NOS1: variants seen among roughly 807,000 people sequenced by gnomAD.
The protein encoded by NOS1 is nitric oxide synthase 1.
In NOS1, 51 loss-of-function variants were observed where a neutral mutation model predicts 164.5. The observed-to-expected ratio is 0.31, with a 90% CI of 0.25 to 0.39. The LOEUF is 0.39. Among genes scored for constraint, NOS1 ranks in the 10% least tolerant of loss-of-function variants. NOS1 has a pLI of 1.00. For synonymous variants in NOS1, 719 were observed against 745.8 expected (o/e 0.96, Z 0.59); for missense variants, 1,362 against 1,885.6 (o/e 0.72, Z 5.14).
chr12:117,270,897 G>T (rs1277773876), intron 10 of NOS1, among the ~76,000 whole-genome samples: 2 of 152,032 alleles, frequency 1.3e-5, no homozygotes, highest in African/African-American at 4.8e-5. Flanking sequence ...AAAAAAATTA[G>T]CCAGGTGTGG....
intron 28 of NOS1, among the ~76,000 whole-genome samples, chr12:117,217,620 G>A (rs760844186): frequency 2.6e-5 from 4 of 151,978 alleles, no homozygotes; most frequent in Non-Finnish European, 5.9e-5. Context: ...CACGAGAATT[G>A]CTTGAGCCTA....
chr12:117,227,722 G>T, intron 22 of NOS1, 81 bp from the exon 23 acceptor site: 1 of 1,374,174 alleles, frequency 7.3e-7, no homozygotes, highest in Non-Finnish European at 1.0e-6. Flanking sequence ...GGTCCAGGAA[G>T]AAGGCAAAAT....
chr12:117,348,095 C>T (rs1008194535), intron 1 of NOS1: 3 of 150,334 alleles, frequency 2.0e-5, no homozygotes, highest in African/African-American at 7.4e-5. Flanking sequence ...TCGTGTTGCA[C>T]CAGCACACCT....
rs750798966 is a variant in NOS1, at chr12:117,243,258, T to C, written c.2962+39A>G. 1.5e-5 allele frequency: 24 copies of C among 1,609,648 alleles called. No individual in the cohort carries two copies. The Admixed American group carries it at 1.8e-4, about 12-fold the overall frequency. ...GGTGAGATCACCTGCCTTTCCCCCA[T>C]TGTCACGAATACCTCCCTGGAAGGG... On this transcript the variant is annotated intron_variant, in intron 19 of 28. Transcript: ENST00000317775. The surrounding 1 kb of genome is among the most constrained non-coding windows in gnomAD (Gnocchi z 4.3).
At position 117,214,861 on chromosome 12, in the gene NOS1, A is replaced by G. The variant is rs1956579420; in HGVS notation, c.*448T>C. 1 of 984,170 alleles carries G rather than the reference A, an allele frequency of 1.0e-6. No individual in the cohort carries two copies. The highest frequency in any genetic ancestry group is 4.7e-5 in the South Asian group (1 of 21,176). The allele number at this position is 984,170 out of a possible 1,614,324, so 61.0% of individuals were successfully genotyped here. A position where few individuals can be genotyped will look rare whatever the true frequency, so the allele number is the denominator to read the frequency against. On this transcript the variant is annotated 3_prime_UTR_variant, in exon 29 of 29. Transcript: ENST00000317775. The stretch of plus-strand genomic sequence containing the variant: ...CACACACACACACACACACACACAC[A>G]CACACAGGCACGCACAACCAAAATG...
At chr12:117,361,480 T>A (rs1340841392) in intron 1 of NOS1, 32 bp downstream of exon 1, 1 of 149,202 alleles carries the variant, frequency 6.7e-6, no homozygotes, top group Admixed American at 6.6e-5. Context: ...CCCGGCGCAG[T>A]GCTGGGCGCC....
intron 1 of NOS1, among the ~76,000 whole-genome samples, chr12:117,357,408 G>A (rs978249310): frequency 7.2e-5 from 11 of 152,246 alleles, no homozygotes; most frequent in African/African-American, 2.7e-4. Flanking sequence ...ATAACAACCA[G>A]AAAGATGAAA....
At chr12:117,222,570 C>T (rs772646845) in intron 26 of NOS1, 145 bp downstream of exon 26, 24 of 750,858 alleles carry the variant, frequency 3.2e-5, no homozygotes, top group East Asian at 1.5e-4. Flanking sequence ...GATATTTTCC[C>T]TACCCATGCT....
chr12:117,325,597 C>G (rs1875204797), intron 2 of NOS1, among the ~76,000 whole-genome samples: 1 of 152,170 alleles, frequency 6.6e-6, no homozygotes, highest in South Asian at 2.1e-4. Context: ...GGGCTGAGAT[C>G]CCAACTCTCT....
At chr12:117,312,094 T>C (rs896022294) in intron 2 of NOS1, among the ~76,000 whole-genome samples, 10 of 152,102 alleles carry the variant, frequency 6.6e-5, no homozygotes, top group Admixed American at 2.6e-4. Flanking sequence ...CTTTGAACAA[T>C]AGCAGCTCAG....
rs1956523977 is a variant in NOS1, at chr12:117,211,301, G to A, written c.*4008C>T. 1.0e-6 allele frequency: 1 copy of A among 985,140 alleles called. No individual in the cohort carries two copies. Among genetic ancestry groups the A allele is most frequent in the African/African-American group, 1.7e-5 (1 of 57,148 alleles). 61.0% of individuals were successfully genotyped at this position (985,140 alleles called of 1,614,324 possible). On this transcript the variant is annotated 3_prime_UTR_variant, in exon 29 of 29. Transcript: ENST00000317775. The stretch of plus-strand genomic sequence containing the variant: ...CTCCTTTATTCTCACCCTCTACAAT[G>A]GATGGGGTGCCAGGTACGCTGATTC...
chr12:117,299,813 G>A (rs74323505), intron 3 of NOS1, among the ~76,000 whole-genome samples: 1,866 of 151,984 alleles, frequency 0.012, 41 homozygotes, highest in African/African-American at 0.043. Context: ...AGGACCGAGG[G>A]GCATCAAGGC....
intron 2 of NOS1, among the ~76,000 whole-genome samples, chr12:117,328,010 G>C (rs192567757): frequency 6.6e-6 from 1 of 152,212 alleles, no homozygotes; most frequent in East Asian, 1.9e-4. Context: ...GGCCATCAAA[G>C]GGCAGTTTGG....
At chr12:117,259,159 G>A (rs770188610) in intron 14 of NOS1, 29 bp from the exon 15 acceptor site, 7 of 1,473,352 alleles carry the variant, frequency 4.8e-6, no homozygotes, top group Admixed American at 3.4e-5. Context: ...GGTATAGGAT[G>A]GGGAGAGGAA....
chr12:117,334,737 C>T (rs1368456690), intron 1 of NOS1, among the ~76,000 whole-genome samples: 3 of 152,190 alleles, frequency 2.0e-5, no homozygotes, highest in East Asian at 1.9e-4. Context: ...ACTTTCTCTG[C>T]CTCCTTTTCC....
At chr12:117,229,326 C>A (rs184722930) in intron 22 of NOS1, among the ~76,000 whole-genome samples, 1 of 152,288 alleles carries the variant, frequency 6.6e-6, no homozygotes, top group East Asian at 1.9e-4. Flanking sequence ...CCTTGCTGGG[C>A]CTTCCTTAAA....
chr12:117,215,764 T>A (rs1956598232), intron 28 of NOS1, among the ~76,000 whole-genome samples: 1 of 152,020 alleles, frequency 6.6e-6, no homozygotes. Flanking sequence ...AGCCTTAGTG[T>A]CTTGGACAGG....
chr12:117,268,789 G>T (rs1294859466), intron 10 of NOS1, among the ~76,000 whole-genome samples: 1 of 149,878 alleles, frequency 6.7e-6, no homozygotes, highest in African/African-American at 2.5e-5. Context: ...AGTAGAGAGG[G>T]GGTTTCACCG....
In NOS1 at chr12:117,330,723, G is replaced by T; in HGVS notation, c.347C>A (p.Thr116Asn). The T allele has an allele frequency of 6.2e-7, 1 of 1,614,012 alleles. No homozygotes were observed. The highest frequency in any genetic ancestry group is 1.1e-5 in the South Asian group (1 of 91,084). ...HLETTFTGDG[T>N]PKTIRVTQPL... ...CTGTGTCACCCGGATGGTCTTGGGG[G>T]TCCCATCACCTGTAAAGGTGGTCTC... Residue 116 changes from threonine to asparagine, a missense_variant, in exon 2 of 29, where the codon ACC becomes AAC. Physicochemically the swap from Thr to Asn is moderately conservative, Grantham distance 65. Coordinates refer to ENST00000317775, the MANE Select transcript of NOS1 (RefSeq NM_000620.5). This position sits in a 1 kb window ranked among gnomAD's most constrained non-coding sequence, Gnocchi z 4.6.
Sources: allele counts gnomAD v4.1 joint callset (sites outside exome capture counted in the v4.1 genomes callset), GRCh38; gene constraint gnomAD v4.1.1; non-coding constraint Gnocchi (gnomAD v3.1); transcripts MANE v1.5; gene names NCBI Gene and HGNC (gene_info 2026-07-23, HGNC 2026-07-21).